SAMMSON: variants seen among roughly 807,000 people sequenced by gnomAD.
The protein encoded by SAMMSON is long intergenic non-protein coding RNA 1212.
At chr3:70,252,698 TA>T (rs1227072135) in intron 6 of SAMMSON, among the ~76,000 whole-genome samples, 1 of 152,216 alleles carries the variant, frequency 6.6e-6, no homozygotes, top group Non-Finnish European at 1.5e-5. Context: ...TTTATTTATT[TA>T]TTTTTTTAAA....
intron 4 of SAMMSON, among the ~76,000 whole-genome samples, chr3:70,171,328 C>G (rs1348366991): frequency 1.3e-5 from 2 of 151,700 alleles, no homozygotes. Flanking sequence ...ACTAGTAAAT[C>G]TGGGAGCACC....
At chr3:70,020,521 C>G (rs1342758751) in intron 3 of SAMMSON, among the ~76,000 whole-genome samples, 1 of 152,088 alleles carries the variant, frequency 6.6e-6, no homozygotes, top group African/African-American at 2.4e-5. Flanking sequence ...TGCAGGCAAA[C>G]TTGTCAAAGA....
At chr3:70,007,948 A>T (rs189961557) in intron 1 of SAMMSON, among the ~76,000 whole-genome samples, 126 of 152,104 alleles carry the variant, frequency 8.3e-4, no homozygotes, top group African/African-American at 2.9e-3. Flanking sequence ...CAAAGATCAG[A>T]TGGTTGTAGA....
At chr3:70,327,918 C>T (rs2106720927) in intron 7 of SAMMSON, among the ~76,000 whole-genome samples, 1 of 152,270 alleles carries the variant, frequency 6.6e-6, no homozygotes, top group East Asian at 1.9e-4. Context: ...GTGTATTAGT[C>T]CGTTTTCACA....
intron 4 of SAMMSON, among the ~76,000 whole-genome samples, chr3:70,185,407 C>T (rs1461487393): frequency 6.6e-6 from 1 of 152,120 alleles, no homozygotes; most frequent in African/African-American, 2.4e-5. Flanking sequence ...CTTTTCTTCC[C>T]TATAATTAAG....
At chr3:70,313,848 G>C (rs1176116690) in intron 7 of SAMMSON, among the ~76,000 whole-genome samples, 1 of 152,066 alleles carries the variant, frequency 6.6e-6, no homozygotes, top group African/African-American at 2.4e-5. Flanking sequence ...AGATTCCTTA[G>C]ATGGGTAAGG....
intron 6 of SAMMSON, among the ~76,000 whole-genome samples, chr3:70,290,044 C>T (rs1327121114): frequency 6.6e-6 from 1 of 152,178 alleles, no homozygotes; most frequent in African/African-American, 2.4e-5. Flanking sequence ...TCGTCTGAAG[C>T]CTTCTTCTCT....
intron 4 of SAMMSON, among the ~76,000 whole-genome samples, chr3:70,156,441 T>C (rs1407183685): frequency 1.3e-5 from 2 of 152,018 alleles, no homozygotes; most frequent in Non-Finnish European, 2.9e-5. Context: ...GTCAGGAAAC[T>C]GCTGCTCCAA....
intron 7 of SAMMSON, among the ~76,000 whole-genome samples, chr3:70,337,478 A>G (rs1376584212): frequency 1.3e-5 from 2 of 151,834 alleles, no homozygotes; most frequent in Non-Finnish European, 2.9e-5. Flanking sequence ...CTCTAGGGAA[A>G]AGCAGCAAGC....
intron 4 of SAMMSON, among the ~76,000 whole-genome samples, chr3:70,195,049 T>C (rs909253581): frequency 4.6e-5 from 7 of 152,196 alleles, no homozygotes; most frequent in African/African-American, 1.7e-4. Flanking sequence ...AATTGGGTAG[T>C]GCAGGTAGTC....
At chr3:70,169,299 T>C (rs1225286867) in intron 4 of SAMMSON, among the ~76,000 whole-genome samples, 1 of 151,974 alleles carries the variant, frequency 6.6e-6, no homozygotes, top group East Asian at 2.0e-4. Context: ...TATGAAGTCA[T>C]TGAGTGAAGG....
chr3:70,375,061 G>T (rs1703002362), intron 9 of SAMMSON, among the ~76,000 whole-genome samples: 1 of 152,140 alleles, frequency 6.6e-6, no homozygotes, highest in African/African-American at 2.4e-5. Context: ...TGCGTGTAAA[G>T]TCCAGAGTTT....
chr3:70,427,976 T>C (rs1701384993), intron 2 of SAMMSON, among the ~76,000 whole-genome samples: 1 of 152,168 alleles, frequency 6.6e-6, no homozygotes, highest in Non-Finnish European at 1.5e-5. Context: ...AAATTCTAAA[T>C]AAATAATTTT....
intron 4 of SAMMSON, among the ~76,000 whole-genome samples, chr3:70,198,511 G>T (rs1302142162): frequency 6.6e-6 from 1 of 152,100 alleles, no homozygotes; most frequent in Admixed American, 6.6e-5. Context: ...AGCCACTTTG[G>T]TTTCTTGTAA....
At chr3:70,144,951 C>T (rs1322291107) in intron 4 of SAMMSON, among the ~76,000 whole-genome samples, 1 of 152,078 alleles carries the variant, frequency 6.6e-6, no homozygotes, top group Non-Finnish European at 1.5e-5. Context: ...CAGACTAATA[C>T]AGTTACTGTC....
intron 2 of SAMMSON, chr3:70,424,974 AGGAG>A (rs1701346599): frequency 6.6e-6 from 1 of 152,532 alleles, no homozygotes; most frequent in African/African-American, 2.4e-5. Context: ...GAGAAAAAGA[AGGAG>A]GGAGAGGAAG....
chr3:70,171,480 T>C (rs1440448126), intron 4 of SAMMSON, among the ~76,000 whole-genome samples: 1 of 151,894 alleles, frequency 6.6e-6, no homozygotes, highest in Non-Finnish European at 1.5e-5. Context: ...GTTTTATGTA[T>C]AATGCTATAA....
At chr3:70,310,344 T>G (rs1702442992) in intron 7 of SAMMSON, among the ~76,000 whole-genome samples, 1 of 151,726 alleles carries the variant, frequency 6.6e-6, no homozygotes, top group Non-Finnish European at 1.5e-5. Context: ...ATAAGTATAT[T>G]TTTATTATTT....
chr3:70,375,402 G>GT lies in SAMMSON; in HGVS notation n.914-14158dup, dbSNP rs79379255. Among the ~76,000 whole-genome samples the GT allele has an allele frequency of 9.9e-3, 1,321 of 133,582 alleles. 11 individuals carry two copies. Among genetic ancestry groups the GT allele is most frequent in the South Asian group, 0.018 (74 of 4,184 alleles). The allele number at this position is 133,582 out of a possible 152,430, so 87.6% of individuals were successfully genotyped here. On this transcript the variant is annotated intron_variant and non_coding_transcript_variant, in intron 9 of 9. Transcript: ENST00000642114. ...TTCATCTGTTGAACAGTTTTTTGTT[G>GT]TTTTTTTTTTTTTTGCCACAAGTGT...
Sources: allele counts gnomAD v4.1 joint callset (sites outside exome capture counted in the v4.1 genomes callset), GRCh38; gene constraint gnomAD v4.1.1; transcripts MANE v1.5; gene names NCBI Gene and HGNC (gene_info 2026-07-23, HGNC 2026-07-21).